AMPH: variants seen among roughly 807,000 people sequenced by gnomAD.
AMPH encodes the protein amphiphysin, also known as amphiphysin (Stiff-Mann syndrome with breast cancer 128kD autoantigen).
AMPH carries 49 observed loss-of-function variants against 99.1 expected under a neutral mutation model. The observed-to-expected ratio is 0.49, with a 90% CI of 0.39 to 0.63. AMPH has a LOEUF of 0.63. AMPH is among the 20% of genes least tolerant of loss of function. The pLI, the probability that AMPH is intolerant of heterozygous loss-of-function variation, is 0.00. For missense variants in AMPH, 759 were observed against 863.4 expected, an observed-to-expected ratio of 0.88 and a Z score of 1.52; for synonymous variants, 314 against 317.3, an observed-to-expected ratio of 0.99 and a Z score of 0.11.
intron 1 of AMPH, among the ~76,000 whole-genome samples, chr7:38,607,235 C>CA (rs1213986866): frequency 6.6e-6 from 1 of 152,140 alleles, no homozygotes; most frequent in African/African-American, 2.4e-5. Flanking sequence ...GAAAATTTCT[C>CA]AATTTCAGTA....
intron 1 of AMPH, among the ~76,000 whole-genome samples, chr7:38,567,390 G>A (rs1378799552): frequency 1.3e-5 from 2 of 152,112 alleles, no homozygotes; most frequent in Non-Finnish European, 2.9e-5. Flanking sequence ...GCCTGTCAGG[G>A]GTTGGGGGCT....
intron 12 of AMPH, among the ~76,000 whole-genome samples, chr7:38,432,753 T>C (rs1786083601): frequency 6.6e-6 from 1 of 152,168 alleles, no homozygotes; most frequent in African/African-American, 2.4e-5. Flanking sequence ...GATGACCAGC[T>C]TAATGGTAAA....
chr7:38,543,879 A>C (rs1041506217), intron 1 of AMPH, among the ~76,000 whole-genome samples: 20 of 152,332 alleles, frequency 1.3e-4, no homozygotes, highest in African/African-American at 4.3e-4. Flanking sequence ...CAGAGTCTCA[A>C]AGAATACTGT....
At chr7:38,455,231 C>T (rs532285348) in intron 11 of AMPH, among the ~76,000 whole-genome samples, 3 of 152,004 alleles carry the variant, frequency 2.0e-5, no homozygotes, top group Admixed American at 1.3e-4. Context: ...CCACCATGCC[C>T]GGCTAATTTT....
chr7:38,587,292 G>A (rs1202524299), intron 1 of AMPH, among the ~76,000 whole-genome samples: 1 of 152,174 alleles, frequency 6.6e-6, no homozygotes, highest in African/African-American at 2.4e-5. Context: ...CCTGGGGCAG[G>A]TGGGTCAGGA....
intron 5 of AMPH, among the ~76,000 whole-genome samples, chr7:38,484,754 A>G (rs775094145): frequency 2.0e-5 from 3 of 152,042 alleles, no homozygotes; most frequent in Non-Finnish European, 4.4e-5. Flanking sequence ...ATAAAAGTCA[A>G]AAAGACAAAA....
At chr7:38,576,050 G>T (rs1792229592) in intron 1 of AMPH, among the ~76,000 whole-genome samples, 2 of 152,182 alleles carry the variant, frequency 1.3e-5, no homozygotes, top group South Asian at 4.1e-4. Flanking sequence ...ATAAGCCTCT[G>T]GGATAGACTG....
intron 1 of AMPH, among the ~76,000 whole-genome samples, chr7:38,578,233 TAAG>T (rs1487626531): frequency 6.6e-6 from 1 of 152,152 alleles, no homozygotes; most frequent in Admixed American, 6.6e-5. Context: ...GAACAGGCAG[TAAG>T]AAGAATTGCA....
chr7:38,615,936 A>T (rs1720822136), intron 1 of AMPH, among the ~76,000 whole-genome samples: 3 of 152,192 alleles, frequency 2.0e-5, no homozygotes, highest in African/African-American at 7.2e-5. Context: ...ATGCCATGCC[A>T]CTGGCCTCTG....
At chr7:38,618,560 C>T (rs1453655947) in intron 1 of AMPH, among the ~76,000 whole-genome samples, 1 of 151,656 alleles carries the variant, frequency 6.6e-6, no homozygotes, top group Non-Finnish European at 1.5e-5. Flanking sequence ...TGTTGACGAA[C>T]ATAAAATATA....
intron 1 of AMPH, among the ~76,000 whole-genome samples, chr7:38,575,654 T>C (rs1207159366): frequency 6.6e-6 from 1 of 152,208 alleles, no homozygotes; most frequent in African/African-American, 2.4e-5. Context: ...ACCATTATTA[T>C]AAGTGTCCTG....
intron 11 of AMPH, among the ~76,000 whole-genome samples, chr7:38,437,194 G>A (rs1197261325): frequency 6.6e-6 from 1 of 152,108 alleles, no homozygotes; most frequent in African/African-American, 2.4e-5. Context: ...AACAATGTGG[G>A]CTTGAAGTCA....
chr7:38,485,233 G>C (rs1476797815), intron 5 of AMPH, among the ~76,000 whole-genome samples: 1 of 151,900 alleles, frequency 6.6e-6, no homozygotes, highest in South Asian at 2.1e-4. Context: ...GTCTACAAGA[G>C]ATTTACTTTA....
intron 1 of AMPH, among the ~76,000 whole-genome samples, chr7:38,624,298 C>T (rs535773505): frequency 6.8e-6 from 1 of 148,000 alleles, no homozygotes; most frequent in Non-Finnish European, 1.5e-5. Flanking sequence ...ATAATAATCA[C>T]TTGGGACAGA....
At chr7:38,619,063 G>C (rs962747459) in intron 1 of AMPH, among the ~76,000 whole-genome samples, 50 of 152,288 alleles carry the variant, frequency 3.3e-4, no homozygotes, top group Middle Eastern at 6.8e-3. Context: ...ATGATGGCAA[G>C]TGCCTGTAGT....
intron 2 of AMPH, among the ~76,000 whole-genome samples, chr7:38,506,972 G>A (rs1371246206): frequency 1.3e-5 from 2 of 152,138 alleles, no homozygotes; most frequent in Non-Finnish European, 2.9e-5. Context: ...ATACAGAGCC[G>A]GCCATGAAAA....
Position 38,598,459 on chromosome 7 carries a change from T to C in AMPH, c.69+32824A>G, listed in dbSNP as rs11979579. Among the ~76,000 whole-genome samples, 702 of 152,226 alleles carry C rather than the reference T, an allele frequency of 4.6e-3. 2 individuals carry two copies. The highest frequency in any genetic ancestry group is 0.016 in the African/African-American group (665 of 41,560). On this transcript the variant is annotated intron_variant, in intron 1 of 20. Coordinates refer to ENST00000356264, the MANE Select transcript of AMPH (RefSeq NM_001635.4). ...CTGGGATTACAGGTGCCTGCTACCATGCCTGGCTAATTTTTTGTATTTTTA... is the reference window on the plus strand; with the variant it reads ...CTGGGATTACAGGTGCCTGCTACCACGCCTGGCTAATTTTTTGTATTTTTA...
At chr7:38,492,622 T>C (rs1450403709) in intron 4 of AMPH, among the ~76,000 whole-genome samples, 4 of 152,202 alleles carry the variant, frequency 2.6e-5, no homozygotes, top group African/African-American at 9.7e-5. Flanking sequence ...ACTGCTGACG[T>C]GAGTAGACCC....
chr7:38,434,051 T>C (rs1342170683), intron 12 of AMPH, among the ~76,000 whole-genome samples: 1 of 152,136 alleles, frequency 6.6e-6, no homozygotes, highest in South Asian at 2.1e-4. Flanking sequence ...TCAAGACTTT[T>C]GTTCTTAGCA....
Sources: allele counts gnomAD v4.1 joint callset (sites outside exome capture counted in the v4.1 genomes callset), GRCh38; gene constraint gnomAD v4.1.1; transcripts MANE v1.5; gene names NCBI Gene and HGNC (gene_info 2026-07-23, HGNC 2026-07-21).